Variants in ARHGEF10L observed in about 807,000 individuals in gnomAD.
The protein encoded by ARHGEF10L is rho guanine nucleotide exchange factor 10-like protein.
A neutral mutation model predicts 141.2 loss-of-function variants in ARHGEF10L; 69 were observed. The observed-to-expected ratio is 0.49, with a 90% CI of 0.40 to 0.60. The LOEUF (loss-of-function observed/expected upper bound fraction) is 0.60. ARHGEF10L is among the 20% of genes least tolerant of loss of function. The pLI is 0.00. For synonymous variants in ARHGEF10L, 711 were observed against 718.5 expected (o/e 0.99, Z 0.17); for missense variants, 1,482 against 1,734.3 (o/e 0.85, Z 2.58).
intron 15 of ARHGEF10L, among the ~76,000 whole-genome samples, chr1:17,631,402 T>C (rs2060683640): frequency 1.3e-5 from 2 of 152,140 alleles, no homozygotes; most frequent in South Asian, 4.2e-4. Flanking sequence ...ATGCCTGGGG[T>C]GTGAAAGTCT....
chr1:17,580,150 CAGG>C (rs1006705803), intron 1 of ARHGEF10L, among the ~76,000 whole-genome samples: 58 of 152,198 alleles, frequency 3.8e-4, no homozygotes, highest in African/African-American at 1.4e-3. Flanking sequence ...CCTGGGCAGC[CAGG>C]AGGAGGAAGT....
chr1:17,602,339 G>A lies in ARHGEF10L; in HGVS notation c.349+121G>A, dbSNP rs1419301575. ...AGCCCAGGGTTCATCCTCACCGGGGGCTTCTGTGGCCCTGGAGGACCAACC... is the reference window on the plus strand; with the variant it reads ...AGCCCAGGGTTCATCCTCACCGGGGACTTCTGTGGCCCTGGAGGACCAACC... On this transcript the variant is annotated intron_variant, in intron 5 of 28. Transcript: ENST00000361221. 4.3e-6 allele frequency: 5 copies of A among 1,173,574 alleles called. No individual in the cohort carries two copies. In the African/African-American group the frequency reaches 7.7e-5, roughly 18 times the overall value. The allele number at this position is 1,173,574 out of a possible 1,614,324, so 72.7% of individuals were successfully genotyped here.
At chr1:17,542,027 T>C (rs2076746645) in intron 1 of ARHGEF10L, among the ~76,000 whole-genome samples, 1 of 150,390 alleles carries the variant, frequency 6.6e-6, no homozygotes. Context: ...TAATCCCAGC[T>C]ATTTGGGAGG....
intron 1 of ARHGEF10L, among the ~76,000 whole-genome samples, chr1:17,560,647 C>T (rs1170997877): frequency 6.6e-6 from 1 of 152,218 alleles, no homozygotes; most frequent in African/African-American, 2.4e-5. Context: ...CTCACCACAA[C>T]CTCTGCCTTC....
rs1342882342 is a variant in ARHGEF10L at position 17,615,177 on chromosome 1, A to T, written c.727-917A>T. The T allele has an allele frequency of 6.6e-6, 1 of 152,242 alleles. No individual in the cohort carries two copies. The highest frequency in any genetic ancestry group is 1.5e-5 in the Non-Finnish European group (1 of 68,060). 9.4% of individuals were successfully genotyped at this position (152,242 alleles called of 1,614,324 possible). On this transcript the variant is annotated intron_variant, in intron 8 of 28. Transcript: ENST00000361221. This position sits in a 1 kb window ranked among gnomAD's most constrained non-coding sequence, Gnocchi z 4.7. ...GTGGCTCCCATTTTGGACAGGGCAGATACAGAGTGTTTCTGTCATTGCAGA... is the reference window on the plus strand; with the variant it reads ...GTGGCTCCCATTTTGGACAGGGCAGTTACAGAGTGTTTCTGTCATTGCAGA...
At chr1:17,597,585 G>A (rs923756558) in intron 4 of ARHGEF10L, among the ~76,000 whole-genome samples, 4 of 152,180 alleles carry the variant, frequency 2.6e-5, no homozygotes, top group East Asian at 1.9e-4. Context: ...TCATCGGCCC[G>A]AGGAACACCT....
chr1:17,618,296 ACCCT>A, intron 9 of ARHGEF10L: 1 of 1,299,994 alleles, frequency 7.7e-7, no homozygotes, highest in Non-Finnish European at 1.0e-6. Flanking sequence ...TCCTGAAGTG[ACCCT>A]CCCTGCAGAG....
At chr1:17,616,468 C>T (rs376191579) in intron 9 of ARHGEF10L, among the ~76,000 whole-genome samples, 4 of 152,204 alleles carry the variant, frequency 2.6e-5, no homozygotes, top group Non-Finnish European at 4.4e-5. Context: ...TTGTCACGGC[C>T]GTCTTGGCCT....
At chr1:17,635,893 C>G (rs1010901353) in intron 18 of ARHGEF10L, among the ~76,000 whole-genome samples, 1 of 152,196 alleles carries the variant, frequency 6.6e-6, no homozygotes, top group Non-Finnish European at 1.5e-5. Context: ...ACTTCCCCCT[C>G]TGTCTGCTGT....
chr1:17,545,890 T>C (rs1384165519), intron 1 of ARHGEF10L, among the ~76,000 whole-genome samples: 1 of 152,234 alleles, frequency 6.6e-6, no homozygotes, highest in East Asian at 1.9e-4. Context: ...ATGCTGCTCC[T>C]TCTACCCAGG....
intron 1 of ARHGEF10L, among the ~76,000 whole-genome samples, chr1:17,548,892 T>C (rs190120746): frequency 1.3e-4 from 20 of 151,852 alleles, no homozygotes; most frequent in African/African-American, 4.1e-4. Flanking sequence ...CAAATGATTC[T>C]CCTGCCTCAG....
intron 1 of ARHGEF10L, among the ~76,000 whole-genome samples, chr1:17,568,252 C>T (rs1345986590): frequency 1.3e-5 from 2 of 152,224 alleles, no homozygotes; most frequent in Non-Finnish European, 2.9e-5. Flanking sequence ...TGAGCACTTA[C>T]TGTGTTCCAG....
chr1:17,647,963 T>A (rs563615411), intron 21 of ARHGEF10L, among the ~76,000 whole-genome samples: 2 of 152,188 alleles, frequency 1.3e-5, no homozygotes, highest in African/African-American at 4.8e-5. Flanking sequence ...GAGGCCCAGC[T>A]AGGGTGGGTG....
chr1:17,655,466 TC>T, intron 23 of ARHGEF10L, among the ~76,000 whole-genome samples: 2 of 119,056 alleles, frequency 1.7e-5, no homozygotes, highest in Non-Finnish European at 4.1e-5. Flanking sequence ...CATCCATCCA[TC>T]CATCCATCCA....
chr1:17,686,918 T>C (rs555140141), intron 26 of ARHGEF10L, among the ~76,000 whole-genome samples: 1 of 152,186 alleles, frequency 6.6e-6, no homozygotes, highest in Non-Finnish European at 1.5e-5. Context: ...ATCTCAGTCC[T>C]GCTTTTTGGA....
chr1:17,693,780 G>A (rs535559270), intron 27 of ARHGEF10L, among the ~76,000 whole-genome samples: 1 of 152,324 alleles, frequency 6.6e-6, no homozygotes, highest in African/African-American at 2.4e-5. Context: ...TGTGATCCAT[G>A]GACCAGAAGC....
rs1385309003 is a variant in ARHGEF10L at position 17,574,823 on chromosome 1, C to T, written c.-43-5730C>T. Among the ~76,000 whole-genome samples, 3 of 152,246 alleles carry T rather than the reference C, an allele frequency of 2.0e-5. No homozygotes were observed. In the East Asian group the frequency reaches 5.8e-4, roughly 29 times the overall value. On this transcript the variant is annotated intron_variant, in intron 1 of 28. Coordinates refer to ENST00000361221, the MANE Select transcript of ARHGEF10L (RefSeq NM_018125.4). ...GGGAGCCGTGGGCCCTCTTCTCTGT[C>T]AGGAGACCCCGCCCCACTTCCTGTT...
At position 17,638,838 on chromosome 1, in the gene ARHGEF10L, A is replaced by T. The variant is rs1287325327; in HGVS notation, c.2171+149A>T. The T allele has an allele frequency of 3.3e-6, 4 of 1,194,904 alleles. No homozygotes were observed. The African/African-American group carries it at 6.1e-5, about 18-fold the overall frequency. The allele number at this position is 1,194,904 out of a possible 1,614,324, so 74.0% of individuals were successfully genotyped here. ...GTAGGCATCGTGGGCCATGTCTGGG[A>T]TAGCATCTGGCACGCAGTAGGTGCT... On this transcript the variant is annotated intron_variant, in intron 20 of 28. Coordinates refer to ENST00000361221, the MANE Select transcript of ARHGEF10L (RefSeq NM_018125.4).
intron 6 of ARHGEF10L, among the ~76,000 whole-genome samples, chr1:17,604,211 C>CG (rs202220462): frequency 0.012 from 1,855 of 152,142 alleles, 21 homozygotes; most frequent in South Asian, 0.029. Flanking sequence ...GACAAGGGAA[C>CG]GGCAGAGGCA....
Sources: gnomAD v4.1 joint callset for allele counts (sites outside exome capture counted in the v4.1 genomes callset) on GRCh38, gnomAD v4.1.1 for gene constraint, Gnocchi (gnomAD v3.1) non-coding constraint, MANE v1.5 for transcripts, NCBI Gene and HGNC (gene_info 2026-07-23, HGNC 2026-07-21) for gene names.